HS6ST3: variants seen among roughly 807,000 people sequenced by gnomAD.
HS6ST3 encodes the protein heparan sulfate 6-O-sulfotransferase 3.
A neutral mutation model predicts 36.7 loss-of-function variants in HS6ST3; 12 were observed. That is an observed-to-expected ratio of 0.33 (90% CI 0.21 to 0.53). The LOEUF is 0.53. HS6ST3 is among the 20% of genes least tolerant of loss of function. HS6ST3 has a pLI of 0.95. For synonymous variants in HS6ST3, 240 were observed against 257.5 expected (o/e 0.93, Z 0.65); for missense variants, 584 against 640.9 (o/e 0.91, Z 0.96).
intron 1 of HS6ST3, among the ~76,000 whole-genome samples, chr13:96,358,614 G>T (rs921105536): frequency 6.6e-6 from 1 of 152,060 alleles, no homozygotes; most frequent in African/African-American, 2.4e-5. Flanking sequence ...GCAGTGTGTG[G>T]AGTTCGGATA....
chr13:96,379,666 G>A lies in HS6ST3; in HGVS notation c.707+288097G>A, dbSNP rs371453218. Among the ~76,000 whole-genome samples, 8 of 152,208 alleles carry A rather than the reference G, an allele frequency of 5.3e-5. No individual in the cohort carries two copies. The South Asian group carries it at 1.2e-3, about 24-fold the overall frequency. The stretch of plus-strand genomic sequence containing the variant: ...CCTCAAAAGAGGCAGATCTTTACCC[G>A]ATAAAAATGCAGATTTCTTAGCCAC... On this transcript the variant is annotated intron_variant, in intron 1 of 1. Coordinates refer to ENST00000376705, the MANE Select transcript of HS6ST3 (RefSeq NM_153456.4).
rs979305572 is a variant in HS6ST3, at chr13:96,837,961, T to G, written c.*4763T>G. ...AAGGTTTCATTGGCTGTTAAATGAG[T>G]CCCTTTGCATACTCACTGGAGAGAG... On this transcript the variant is annotated 3_prime_UTR_variant, in exon 2 of 2. Coordinates refer to ENST00000376705, the MANE Select transcript of HS6ST3 (RefSeq NM_153456.4). 6 of 152,104 alleles carry G rather than the reference T, an allele frequency of 3.9e-5. No individual in the cohort carries two copies. Among genetic ancestry groups the G allele is most frequent in the Non-Finnish European group, 8.8e-5 (6 of 68,036 alleles). 9.4% of individuals were successfully genotyped at this position (152,104 alleles called of 1,614,324 possible).
In HS6ST3 at chr13:96,823,624, C is replaced by CT. The variant is rs1375404320; in HGVS notation, c.708-8857dup. On this transcript the variant is annotated intron_variant, in intron 1 of 1. Coordinates refer to ENST00000376705, the MANE Select transcript of HS6ST3 (RefSeq NM_153456.4). ...GATTATAGGTAATTTTTATTTTCTT[C>CT]TTTTTTTTTCTTTGAGATGGAGTCT... is the stretch of plus-strand genomic sequence containing the variant. Among the ~76,000 whole-genome samples, 9 of 151,284 alleles carry CT rather than the reference C, an allele frequency of 5.9e-5. No individual in the cohort carries two copies. In the South Asian group the frequency reaches 6.3e-4, roughly 11 times the overall value.
At chr13:96,207,792 G>A (rs1171571495) in intron 1 of HS6ST3, among the ~76,000 whole-genome samples, 3 of 152,104 alleles carry the variant, frequency 2.0e-5, no homozygotes, top group Non-Finnish European at 4.4e-5. Flanking sequence ...GCATGGGCAC[G>A]TGGTTGTGGG....
At chr13:96,472,756 A>G (rs536616048) in intron 1 of HS6ST3, among the ~76,000 whole-genome samples, 1 of 152,306 alleles carries the variant, frequency 6.6e-6, no homozygotes, top group South Asian at 2.1e-4. Context: ...TGAAAGAAGA[A>G]TGAGAAGATG....
At chr13:96,749,216 G>A (rs1876636527) in intron 1 of HS6ST3, among the ~76,000 whole-genome samples, 2 of 151,998 alleles carry the variant, frequency 1.3e-5, no homozygotes, top group South Asian at 4.1e-4. Context: ...TTGCCATAAA[G>A]TGATAATTTC....
intron 1 of HS6ST3, among the ~76,000 whole-genome samples, chr13:96,117,302 C>T (rs1346106403): frequency 6.6e-6 from 1 of 151,980 alleles, no homozygotes; most frequent in Admixed American, 6.6e-5. Context: ...GTAAGATGCC[C>T]CCTATGGTCT....
chr13:96,695,190 A>T (rs1308779986), intron 1 of HS6ST3, among the ~76,000 whole-genome samples: 1 of 152,188 alleles, frequency 6.6e-6, no homozygotes, highest in Non-Finnish European at 1.5e-5. Flanking sequence ...TCTTTGAGGC[A>T]AAATATTGAA....
chr13:96,175,641 A>G (rs1024280030), intron 1 of HS6ST3, among the ~76,000 whole-genome samples: 1 of 139,248 alleles, frequency 7.2e-6, no homozygotes, highest in African/African-American at 2.7e-5. Context: ...GTATTATTTT[A>G]TGTTTTGTGT....
At chr13:96,568,197 G>A (rs1489160760) in intron 1 of HS6ST3, among the ~76,000 whole-genome samples, 1 of 152,180 alleles carries the variant, frequency 6.6e-6, no homozygotes, top group African/African-American at 2.4e-5. Flanking sequence ...AAGTATGAAA[G>A]ATAGTGACAT....
In HS6ST3 at chr13:96,349,619, G is replaced by C. The variant is rs531066095; in HGVS notation, c.707+258050G>C. Among the ~76,000 whole-genome samples the C allele has an allele frequency of 4.6e-5, 7 of 152,282 alleles. No individual in the cohort carries two copies. In the South Asian group the frequency reaches 8.3e-4, roughly 18 times the overall value. ...GCTTAATGCAAGTTTTAGCTTGCCA[G>C]TGATGTTTCCTTATAGCATGTTTAT... On this transcript the variant is annotated intron_variant, in intron 1 of 1. Transcript: ENST00000376705.
intron 1 of HS6ST3, among the ~76,000 whole-genome samples, chr13:96,500,588 G>T (rs887674262): frequency 1.6e-4 from 24 of 152,104 alleles, no homozygotes; most frequent in Non-Finnish European, 1.5e-5. Context: ...AGGATAAACT[G>T]CTTTTGACCT....
intron 1 of HS6ST3, among the ~76,000 whole-genome samples, chr13:96,796,718 A>G (rs1011805506): frequency 6.6e-6 from 1 of 152,112 alleles, no homozygotes; most frequent in African/African-American, 2.4e-5. Context: ...GGATTAGGGT[A>G]CGTGAAAGTA....
intron 1 of HS6ST3, among the ~76,000 whole-genome samples, chr13:96,331,468 G>A (rs563475070): frequency 2.8e-4 from 43 of 152,316 alleles, no homozygotes; most frequent in Admixed American, 2.6e-4. Context: ...CCCTGCCGGG[G>A]GGATGCCTCC....
At chr13:96,404,322 G>C (rs2139458888) in intron 1 of HS6ST3, among the ~76,000 whole-genome samples, 1 of 152,294 alleles carries the variant, frequency 6.6e-6, no homozygotes, top group Non-Finnish European at 1.5e-5. Flanking sequence ...GTGCAATACT[G>C]TATGACCCAA....
chr13:96,618,180 A>G (rs927301646), intron 1 of HS6ST3, among the ~76,000 whole-genome samples: 14 of 152,138 alleles, frequency 9.2e-5, no homozygotes, highest in Non-Finnish European at 1.9e-4. Context: ...GCTCACTGCA[A>G]GCTGGAACTC....
rs187305943 is a variant in HS6ST3 at position 96,588,539 on chromosome 13, A to C, written c.708-243951A>C. Among the ~76,000 whole-genome samples, 3 of 152,298 alleles carry C rather than the reference A, an allele frequency of 2.0e-5. No individual in the cohort carries two copies. In the East Asian group the frequency reaches 5.8e-4, roughly 29 times the overall value. On this transcript the variant is annotated intron_variant, in intron 1 of 1. Coordinates refer to ENST00000376705, the MANE Select transcript of HS6ST3 (RefSeq NM_153456.4). The stretch of plus-strand genomic sequence containing the variant: ...TCAATGTGATGTGCCACATTTGCTG[A>C]TTTACATAAGTTGAATCATCCTTGC...
intron 1 of HS6ST3, among the ~76,000 whole-genome samples, chr13:96,287,179 C>T (rs753658400): frequency 3.9e-5 from 6 of 152,064 alleles, no homozygotes; most frequent in Non-Finnish European, 8.8e-5. Context: ...TCGGATGAGC[C>T]TCTATATAAC....
At chr13:96,257,549 A>G (rs2054643014) in intron 1 of HS6ST3, among the ~76,000 whole-genome samples, 1 of 152,146 alleles carries the variant, frequency 6.6e-6, no homozygotes, top group African/African-American at 2.4e-5. Flanking sequence ...AATTTTTTCA[A>G]TTTCTTCATT....
Sources: allele counts gnomAD v4.1 joint callset (sites outside exome capture counted in the v4.1 genomes callset), GRCh38; gene constraint gnomAD v4.1.1; transcripts MANE v1.5; gene names NCBI Gene and HGNC (gene_info 2026-07-23, HGNC 2026-07-21).